Variants in TRPC5 observed in about 807,000 individuals in gnomAD.
The protein encoded by TRPC5 is transient receptor potential cation channel subfamily C member 5.
In TRPC5, 9 loss-of-function variants were observed where a neutral mutation model predicts 56.5. That is an observed-to-expected ratio of 0.16 (90% confidence interval 0.10 to 0.28). TRPC5 has a LOEUF of 0.28. Among genes scored for constraint, TRPC5 ranks in the 10% least tolerant of loss-of-function variants. The probability of loss-of-function intolerance (pLI) is 1.00; values close to 1 mark genes in which losing one functional copy is unlikely to be tolerated. For synonymous variants in TRPC5, 282 were observed against 278.5 expected, an observed-to-expected ratio of 1.01 and a Z score of -0.13; for missense variants, 469 against 748.9, an observed-to-expected ratio of 0.63 and a Z score of 4.36.
At chrX:111,944,035 C>T (rs1926854413) in intron 2 of TRPC5, among the ~76,000 whole-genome samples, 2 of 111,688 alleles carry the variant, frequency 1.8e-5, no homozygotes, top group Non-Finnish European at 3.8e-5. Flanking sequence ...AACCTTATTT[C>T]TTTCTCACAA....
intron 2 of TRPC5, among the ~76,000 whole-genome samples, chrX:111,921,694 A>C (rs1926132321): frequency 1.8e-5 from 2 of 111,652 alleles, no homozygotes; most frequent in Admixed American, 1.9e-4. Flanking sequence ...TATTATCTAT[A>C]ACTGTACTTC....
intron 3 of TRPC5, among the ~76,000 whole-genome samples, chrX:111,866,342 C>T (rs1923550860): frequency 8.8e-6 from 1 of 113,457 alleles, no homozygotes; most frequent in Non-Finnish European, 1.9e-5. Context: ...AGTTAAGGGG[C>T]CTGAAGGCTA....
intron 1 of TRPC5, among the ~76,000 whole-genome samples, chrX:112,026,980 C>T (rs1287940124): frequency 9.0e-6 from 1 of 110,774 alleles, no homozygotes; most frequent in Non-Finnish European, 1.9e-5. Context: ...GGAGGACAAG[C>T]TTCCATGGAG....
chrX:111,997,140 T>C (rs1034769438), intron 1 of TRPC5, among the ~76,000 whole-genome samples: 3 of 111,865 alleles, frequency 2.7e-5, no homozygotes, highest in African/African-American at 9.8e-5. Context: ...CTGGTACCGG[T>C]TGTTTCTTTC....
intron 1 of TRPC5, among the ~76,000 whole-genome samples, chrX:111,971,147 T>C (rs1927774126): frequency 9.0e-6 from 1 of 111,526 alleles, no homozygotes; most frequent in South Asian, 3.8e-4. Flanking sequence ...GTGATTGTTA[T>C]CGATGTCAGC....
At chrX:111,807,406 C>T (rs1006387849) in intron 7 of TRPC5, among the ~76,000 whole-genome samples, 1 of 112,136 alleles carries the variant, frequency 8.9e-6, no homozygotes, top group African/African-American at 3.2e-5. Flanking sequence ...AATTTCTTCC[C>T]GATTCTTTTA....
At chrX:111,925,710 T>C (rs1221678245) in intron 2 of TRPC5, among the ~76,000 whole-genome samples, 3 of 111,923 alleles carry the variant, frequency 2.7e-5, no homozygotes, top group Admixed American at 1.9e-4. Flanking sequence ...ACTCCTAATA[T>C]GGAGGGGAAC....
intron 7 of TRPC5, among the ~76,000 whole-genome samples, chrX:111,810,262 A>G (rs886802684): frequency 9.0e-6 from 1 of 110,865 alleles, no homozygotes; most frequent in Admixed American, 9.7e-5. Flanking sequence ...TCTAGCCCAC[A>G]CTCATGGGGA....
chrX:111,911,785 G>T (rs1177798698), intron 3 of TRPC5, among the ~76,000 whole-genome samples: 1 of 112,041 alleles, frequency 8.9e-6, no homozygotes, highest in Admixed American at 9.4e-5. Context: ...CTAAGGGGCT[G>T]CCAGGGATTC....
chrX:111,856,036 G>A (rs1182882008), intron 3 of TRPC5, among the ~76,000 whole-genome samples: 1 of 111,659 alleles, frequency 9.0e-6, no homozygotes, highest in Non-Finnish European at 1.9e-5. Flanking sequence ...CTAGGTGTGG[G>A]AGAGGAAAAG....
At chrX:111,789,298 AAAAC>A (rs1945997984) in intron 7 of TRPC5, among the ~76,000 whole-genome samples, 1 of 112,140 alleles carries the variant, frequency 8.9e-6, no homozygotes, top group South Asian at 3.7e-4. Flanking sequence ...AAACCTGACA[AAAAC>A]AAGCAATGGG....
intron 7 of TRPC5, among the ~76,000 whole-genome samples, chrX:111,830,785 C>G (rs894611623): frequency 1.2e-4 from 13 of 112,247 alleles, no homozygotes; most frequent in African/African-American, 4.2e-4. Flanking sequence ...ATGACTGAGT[C>G]TCAGGTATTT....
chrX:111,966,860 C>T (rs974924807), intron 1 of TRPC5, among the ~76,000 whole-genome samples: 10 of 111,560 alleles, frequency 9.0e-5, no homozygotes, highest in East Asian at 5.6e-4. Context: ...GTGACAAACC[C>T]GCAGCCAATA....
At chrX:111,801,148 A>G (rs1870285600) in intron 7 of TRPC5, among the ~76,000 whole-genome samples, 1 of 112,204 alleles carries the variant, frequency 8.9e-6, no homozygotes, top group African/African-American at 3.2e-5. Flanking sequence ...GAATCATAAA[A>G]TATTGGTCCC....
At chrX:111,954,051 C>T (rs1927163843) in intron 1 of TRPC5, among the ~76,000 whole-genome samples, 1 of 112,165 alleles carries the variant, frequency 8.9e-6, no homozygotes, top group Non-Finnish European at 1.9e-5. Context: ...AGCACTGATA[C>T]ATTCTTCCAC....
intron 1 of TRPC5, among the ~76,000 whole-genome samples, chrX:111,998,054 C>G (rs1465431825): frequency 9.0e-6 from 1 of 110,972 alleles, no homozygotes; most frequent in Non-Finnish European, 1.9e-5. Context: ...AGCTGCAATC[C>G]TTTGGAGGAG....
intron 6 of TRPC5, among the ~76,000 whole-genome samples, chrX:111,846,882 G>C (rs767176918): frequency 9.0e-6 from 1 of 111,136 alleles, no homozygotes; most frequent in Non-Finnish European, 1.9e-5. Context: ...GATCTCATGT[G>C]TGTGCTTGTT....
intron 7 of TRPC5, among the ~76,000 whole-genome samples, chrX:111,825,212 TTTCTTTC>T (rs1922184521): frequency 2.5e-5 from 2 of 79,256 alleles, no homozygotes; most frequent in African/African-American, 9.8e-5. Flanking sequence ...TCTTTCTTTC[TTTCTTTC>T]TTCTTTCTTT....
At chrX:112,012,236 G>T (rs1929009995) in intron 1 of TRPC5, among the ~76,000 whole-genome samples, 1 of 111,591 alleles carries the variant, frequency 9.0e-6, no homozygotes, top group Non-Finnish European at 1.9e-5. Context: ...ATCTTAGGTT[G>T]AACCACATAA....
Sources: gnomAD v4.1 joint callset for allele counts (sites outside exome capture counted in the v4.1 genomes callset) on GRCh38, gnomAD v4.1.1 for gene constraint, MANE v1.5 for transcripts, NCBI Gene and HGNC (gene_info 2026-07-23, HGNC 2026-07-21) for gene names.